Variants in SREBF2 observed in about 807,000 individuals in gnomAD.
The protein encoded by SREBF2 is sterol regulatory element-binding protein 2.
Under a neutral mutation model 113.1 loss-of-function variants are expected in SREBF2, and 55 were observed. That is an observed-to-expected ratio of 0.49 (90% CI 0.39 to 0.61). The LOEUF is 0.61. Ranked by LOEUF, SREBF2 falls within the 20% of genes least tolerant of loss-of-function variation. The probability of loss-of-function intolerance (pLI) is 0.00; values close to 1 mark genes in which losing one functional copy is unlikely to be tolerated. For synonymous variants in SREBF2, 593 were observed against 605.7 expected (o/e 0.98, Z 0.31); for missense variants, 1,349 against 1,487.4 (o/e 0.91, Z 1.53).
chr22:41,844,029 T>TACAGACACAC (rs768606329), intron 1 of SREBF2, among the ~76,000 whole-genome samples: 1 of 48,754 alleles, frequency 2.1e-5, no homozygotes. Context: ...AAAAAAAAAA[T>TACAGACACAC]ACATACACAC....
chr22:41,859,799 C>CTTTTTTTTTTTTTTTTTTT (rs1174473976), intron 1 of SREBF2, among the ~76,000 whole-genome samples: 1 of 54,346 alleles, frequency 1.8e-5, no homozygotes, highest in South Asian at 7.4e-4. Flanking sequence ...TATGGTGATT[C>CTTTTTTTTTTTTTTTTTTT]TTTTTTTTTT....
chr22:41,887,777 A>G (rs2077312928), intron 11 of SREBF2, among the ~76,000 whole-genome samples: 1 of 152,068 alleles, frequency 6.6e-6, no homozygotes, highest in African/African-American at 2.4e-5. Flanking sequence ...GCCATTCTCC[A>G]CTCCATCAGC....
chr22:41,877,574 G>C (rs2077208314), intron 8 of SREBF2, among the ~76,000 whole-genome samples, 153 bp downstream of exon 8: 1 of 152,150 alleles, frequency 6.6e-6, no homozygotes, highest in Admixed American at 6.5e-5. Context: ...ACTGGCATAA[G>C]TTCCATTTTA....
At chr22:41,851,890 G>T (rs907590390) in intron 1 of SREBF2, among the ~76,000 whole-genome samples, 1 of 151,990 alleles carries the variant, frequency 6.6e-6, no homozygotes, top group Non-Finnish European at 1.5e-5. Context: ...TGGGGCCAAG[G>T]GGGGTGGATC....
chr22:41,864,522 G>A (rs922644706), intron 1 of SREBF2, among the ~76,000 whole-genome samples: 2 of 150,980 alleles, frequency 1.3e-5, no homozygotes, highest in African/African-American at 2.4e-5. Flanking sequence ...GGGTTTCACC[G>A]TGTTAGCCAG....
intron 1 of SREBF2, among the ~76,000 whole-genome samples, chr22:41,835,920 C>T (rs1446179545): frequency 1.3e-5 from 2 of 152,234 alleles, no homozygotes; most frequent in East Asian, 1.9e-4. Context: ...CCACTGTACC[C>T]GACCCTGTCT....
At chr22:41,850,113 C>T (rs957758862) in intron 1 of SREBF2, among the ~76,000 whole-genome samples, 3 of 151,252 alleles carry the variant, frequency 2.0e-5, no homozygotes, top group Non-Finnish European at 2.9e-5. Flanking sequence ...GCACTCTAGC[C>T]TGGGTGACAG....
At chr22:41,864,261 T>C (rs9623462) in intron 1 of SREBF2, among the ~76,000 whole-genome samples, 2,912 of 50,728 alleles carry the variant, frequency 0.057, 93 homozygotes, top group Non-Finnish European at 0.07. Flanking sequence ...TATATATATA[T>C]ACACACACAC....
At chr22:41,848,595 T>C (rs1395251300) in intron 1 of SREBF2, among the ~76,000 whole-genome samples, 1 of 151,928 alleles carries the variant, frequency 6.6e-6, no homozygotes, top group East Asian at 1.9e-4. Flanking sequence ...TGCTGGGAGG[T>C]GGGGCAACCC....
At chr22:41,899,988 G>A (rs117728734) in intron 15 of SREBF2, 20,514 of 1,222,338 alleles carry the variant, frequency 0.017, 214 homozygotes, top group Admixed American at 0.019. Flanking sequence ...CTTAAAGAAC[G>A]GGTACAACAC....
intron 13 of SREBF2, 81 bp from the exon 14 acceptor site, chr22:41,896,971 T>C: frequency 3.1e-6 from 3 of 978,886 alleles, no homozygotes; most frequent in Non-Finnish European, 4.8e-6. Flanking sequence ...GTCTTAGAGC[T>C]GGAGAGCTGA....
At position 41,893,255 on chromosome 22, in the gene SREBF2, G is replaced by A. The variant is rs1399466780; in HGVS notation, c.2347G>A (p.Glu783Lys). The change falls in exon 12 of 19, where the codon GAG (glutamate) becomes AAG (lysine). Residue 783 changes from glutamate (E) to lysine (K), a missense_variant. Physicochemically the swap from Glu to Lys is moderately conservative, Grantham distance 56. Around this residue, in one of 2 missense-constraint regions of SREBF2, gnomAD observed 650 missense variants for 644.1 expected, o/e 1.01. Transcript: ENST00000361204. ...CTGGTCTGTGAAGTCAGCTGCCAAG[G>A]AGAGTCTATACTGTGCCCAGAGGAA... ...RSWSVKSAAK[E>K]SLYCAQRNPA... 1.9e-6 allele frequency: 3 copies of A among 1,614,218 alleles called. No homozygotes were observed. The highest frequency in any genetic ancestry group is 8.5e-7 in the Non-Finnish European group (1 of 1,180,038).
intron 15 of SREBF2, chr22:41,899,564 A>G: frequency 1.0e-6 from 1 of 992,698 alleles, no homozygotes; most frequent in Non-Finnish European, 1.2e-6. Context: ...GTGAGTATAC[A>G]CAGGCTTGAA....
intron 1 of SREBF2, 68 bp from the exon 2 acceptor site, chr22:41,866,763 T>G: frequency 6.3e-7 from 1 of 1,579,732 alleles, no homozygotes; most frequent in Non-Finnish European, 8.7e-7. Flanking sequence ...ATGCCTTAGT[T>G]TCTTAAGCAA....
At chr22:41,877,877 T>C (rs2148392640) in intron 8 of SREBF2, 65 bp from the exon 9 acceptor site, 1 of 1,555,714 alleles carries the variant, frequency 6.4e-7, no homozygotes, top group Non-Finnish European at 8.9e-7. Flanking sequence ...TGCTGGGGTC[T>C]GTCAGGTGCC....
At chr22:41,894,451 G>A (rs2077392922) in intron 12 of SREBF2, among the ~76,000 whole-genome samples, 1 of 152,054 alleles carries the variant, frequency 6.6e-6, no homozygotes, top group African/African-American at 2.4e-5. Context: ...TTCCTTGCCT[G>A]GTGGTTCTCC....
In SREBF2 at chr22:41,875,674, C is replaced by T; in HGVS notation, c.1336C>T (p.Pro446Ser). ...SDSGSQAGFS[P>S]YSIDSEPGSP... ...CTCAGGGTCCCAGGCTGGCTTCTCT[C>T]CCTACTCCATTGACTCTGAGCCAGG... Residue 446 changes from proline to serine, a missense_variant, in exon 7 of 19, where the codon CCC becomes TCC. Around this residue, in one of 2 missense-constraint regions of SREBF2, gnomAD observed 699 missense variants for 843.3 expected, o/e 0.83. Coordinates refer to ENST00000361204, the MANE Select transcript of SREBF2 (RefSeq NM_004599.4). 6.2e-7 allele frequency: 1 copy of T among 1,614,214 alleles called. No homozygotes were observed. Among genetic ancestry groups the T allele is most frequent in the Non-Finnish European group, 8.5e-7 (1 of 1,180,034 alleles).
intron 1 of SREBF2, among the ~76,000 whole-genome samples, chr22:41,835,463 A>G (rs1033059126): frequency 4.6e-5 from 7 of 151,598 alleles, no homozygotes; most frequent in African/African-American, 1.7e-4. Context: ...GGCATGCGCC[A>G]CCACGCCCGG....
chr22:41,840,342 T>C (rs972855247), intron 1 of SREBF2, among the ~76,000 whole-genome samples: 18 of 152,212 alleles, frequency 1.2e-4, no homozygotes, highest in African/African-American at 4.1e-4. Context: ...AGTTCCTTTC[T>C]TTCCTGTCCC....
Sources: gnomAD v4.1 joint callset for allele counts (sites outside exome capture counted in the v4.1 genomes callset) on GRCh38, gnomAD v4.1.1 for gene constraint, gnomAD v4.1.1 regional missense constraint, MANE v1.5 for transcripts, NCBI Gene and HGNC (gene_info 2026-07-23, HGNC 2026-07-21) for gene names.